The following ANKRD44 variants were observed in gnomAD, a reference collection of about 807,000 sequenced individuals.
The protein encoded by ANKRD44 is serine/threonine-protein phosphatase 6 regulatory ankyrin repeat subunit B.
Under a neutral mutation model 116.0 loss-of-function variants are expected in ANKRD44, and 35 were observed. The observed-to-expected ratio is 0.30, with a 90% CI of 0.23 to 0.40. ANKRD44 has a LOEUF of 0.40. Among genes scored for constraint, ANKRD44 ranks in the 10% least tolerant of loss-of-function variants. ANKRD44 has a pLI of 1.00. For missense variants in ANKRD44, 1,014 were observed against 1,242.6 expected (o/e 0.82, Z 2.77); for synonymous variants, 435 against 461.8 (o/e 0.94, Z 0.74).
intron 8 of ANKRD44, among the ~76,000 whole-genome samples, chr2:197,117,296 G>C (rs2078734885): frequency 6.6e-6 from 1 of 152,052 alleles, no homozygotes; most frequent in Non-Finnish European, 1.5e-5. Flanking sequence ...CTGGAGTGCA[G>C]TGGTGGGATC....
At position 197,203,315 on chromosome 2, in the gene ANKRD44, A is replaced by G. The variant is rs980121634; in HGVS notation, c.28-16209T>C. The stretch of plus-strand genomic sequence containing the variant: ...AGATATACAAATGGCCAAAAAGCAC[A>G]TGAAAAGATGCTTAACATCAGTCTT... On this transcript the variant is annotated intron_variant, in intron 1 of 27. Coordinates refer to ENST00000282272, the MANE Select transcript of ANKRD44 (RefSeq NM_001195144.2). This position sits in a 1 kb window ranked among gnomAD's most constrained non-coding sequence, Gnocchi z 4.1. Among the ~76,000 whole-genome samples the G allele has an allele frequency of 7.9e-5, 12 of 152,262 alleles. No individual in the cohort carries two copies. Among genetic ancestry groups the G allele is most frequent in the Admixed American group, 2.6e-4 (4 of 15,288 alleles).
rs560352578 is a variant in ANKRD44 at position 197,133,629 on chromosome 2, T to C, written c.261+2963A>G. On this transcript the variant is annotated intron_variant, in intron 4 of 27. Coordinates refer to ENST00000282272, the MANE Select transcript of ANKRD44 (RefSeq NM_001195144.2). ...CATGTAATATCAGTGCTTACCAATC[T>C]AAAGAACAGACCTGTGCCAGCTCTC... Among the ~76,000 whole-genome samples, 262 of 152,294 alleles carry C rather than the reference T, an allele frequency of 1.7e-3. 1 individual carries two copies. The highest frequency in any genetic ancestry group is 3.1e-3 in the South Asian group (15 of 4,828).
At chr2:197,142,064 A>ACC (rs1174348484) in intron 3 of ANKRD44, among the ~76,000 whole-genome samples, 1 of 152,248 alleles carries the variant, frequency 6.6e-6, no homozygotes, top group African/African-American at 2.4e-5. Flanking sequence ...GAAAATAAGC[A>ACC]CTAGGGTATA....
At chr2:197,144,489 GA>G (rs2079447697) in intron 3 of ANKRD44, among the ~76,000 whole-genome samples, 1 of 152,150 alleles carries the variant, frequency 6.6e-6, no homozygotes, top group African/African-American at 2.4e-5. Flanking sequence ...GACTTTTTGG[GA>G]AAATAAAAGT....
At chr2:197,131,284 C>T (rs2079089564) in intron 4 of ANKRD44, among the ~76,000 whole-genome samples, 2 of 151,344 alleles carry the variant, frequency 1.3e-5, no homozygotes, top group South Asian at 2.1e-4. Context: ...CTCCGCCTCC[C>T]GGGTTCACGC....
At chr2:197,171,784 C>T (rs1186853746) in intron 2 of ANKRD44, among the ~76,000 whole-genome samples, 2 of 152,086 alleles carry the variant, frequency 1.3e-5, no homozygotes, top group African/African-American at 4.8e-5. Flanking sequence ...GGAAGCCAAC[C>T]ATGTGTAGGG....
chr2:197,160,742 T>C (rs138761029), intron 2 of ANKRD44, among the ~76,000 whole-genome samples: 423 of 152,312 alleles, frequency 2.8e-3, no homozygotes, highest in East Asian at 0.016. Flanking sequence ...AGTCTCAATA[T>C]CTGAGCAGAG....
intron 16 of ANKRD44, among the ~76,000 whole-genome samples, chr2:197,070,860 ATGC>A (rs767428709): frequency 7.2e-5 from 11 of 152,146 alleles, no homozygotes; most frequent in Non-Finnish European, 1.5e-4. Context: ...GAAATCATCC[ATGC>A]CTGGAAATTT....
At chr2:197,248,459 T>TTA (rs374995910) in intron 1 of ANKRD44, among the ~76,000 whole-genome samples, 3,326 of 150,866 alleles carry the variant, frequency 0.022, 104 homozygotes, top group African/African-American at 0.074. Context: ...ATTAAAAAAA[T>TTA]TATATATATA....
intron 17 of ANKRD44, among the ~76,000 whole-genome samples, chr2:197,018,095 C>T (rs573374189): frequency 6.6e-6 from 1 of 152,236 alleles, no homozygotes; most frequent in Non-Finnish European, 1.5e-5. Context: ...CTTCTTCTCA[C>T]CGCATCACCA....
intron 3 of ANKRD44, among the ~76,000 whole-genome samples, chr2:197,137,138 C>T (rs1017710831): frequency 2.6e-5 from 4 of 152,174 alleles, no homozygotes; most frequent in Admixed American, 6.5e-5. Context: ...TGATCACCAG[C>T]CCACCAAGTC....
chr2:197,104,449 G>A (rs7608056), intron 9 of ANKRD44, among the ~76,000 whole-genome samples: 8,364 of 152,146 alleles, frequency 0.055, 450 homozygotes, highest in African/African-American at 0.13. Flanking sequence ...AGGACTATTG[G>A]ACTAAAAGTA....
At chr2:197,184,569 G>A (rs2080603415) in intron 2 of ANKRD44, among the ~76,000 whole-genome samples, 1 of 148,866 alleles carries the variant, frequency 6.7e-6, no homozygotes, top group African/African-American at 2.5e-5. Flanking sequence ...TGACCCGGGA[G>A]ATGGTGGTTG....
intron 1 of ANKRD44, among the ~76,000 whole-genome samples, chr2:197,255,740 C>A (rs902785601): frequency 6.6e-6 from 1 of 152,224 alleles, no homozygotes; most frequent in Admixed American, 6.5e-5. Context: ...TCGAAGGCAG[C>A]TACACAGCGG....
chr2:197,256,376 C>T (rs1252014460), intron 1 of ANKRD44, among the ~76,000 whole-genome samples: 1 of 152,132 alleles, frequency 6.6e-6, no homozygotes, highest in Non-Finnish European at 1.5e-5. Context: ...TTTGAAAGGC[C>T]TTTCAACTTT....
At chr2:197,232,352 T>C (rs928350731) in intron 1 of ANKRD44, among the ~76,000 whole-genome samples, 1 of 152,180 alleles carries the variant, frequency 6.6e-6, no homozygotes, top group African/African-American at 2.4e-5. Context: ...ATCCCAAAAG[T>C]GCTTGTCATT....
chr2:197,066,655 CAGAG>C (rs1214902723), intron 16 of ANKRD44, among the ~76,000 whole-genome samples: 5 of 152,114 alleles, frequency 3.3e-5, no homozygotes, highest in African/African-American at 1.2e-4. Flanking sequence ...AACAGACAAA[CAGAG>C]AGCCAAATCA....
At chr2:197,063,095 G>A (rs578076748) in intron 16 of ANKRD44, among the ~76,000 whole-genome samples, 21 of 152,242 alleles carry the variant, frequency 1.4e-4, no homozygotes, top group African/African-American at 4.6e-4. Flanking sequence ...CACCTCATGC[G>A]CCTGGGTATC....
At chr2:197,234,677 T>A (rs1199903127) in intron 1 of ANKRD44, among the ~76,000 whole-genome samples, 1 of 152,228 alleles carries the variant, frequency 6.6e-6, no homozygotes, top group East Asian at 1.9e-4. Flanking sequence ...TCCCTATTGA[T>A]AACAATTTGG....
Sources: gnomAD v4.1 joint callset for allele counts (sites outside exome capture counted in the v4.1 genomes callset) on GRCh38, gnomAD v4.1.1 for gene constraint, Gnocchi (gnomAD v3.1) non-coding constraint, MANE v1.5 for transcripts, NCBI Gene and HGNC (gene_info 2026-07-23, HGNC 2026-07-21) for gene names.